The following LOXL2 variants were observed in gnomAD, a reference collection of about 807,000 sequenced individuals.
LOXL2 encodes lysyl oxidase like 2.
A neutral mutation model predicts 93.0 loss-of-function variants in LOXL2; 70 were observed. The ratio of observed to expected loss-of-function variants is 0.75; its 90% CI spans 0.62 to 0.92. The LOEUF (loss-of-function observed/expected upper bound fraction) is 0.92. Among genes scored for constraint, LOXL2 ranks in the 40% least tolerant of loss-of-function variants. LOXL2 has a pLI of 0.00. For synonymous variants in LOXL2, 438 were observed against 413.2 expected, an observed-to-expected ratio of 1.06 and a Z score of -0.73; for missense variants, 973 against 1,054.9, an observed-to-expected ratio of 0.92 and a Z score of 1.08.
rs55908148 is a variant in LOXL2, at chr8:23,381,095, C to CTTT, written c.-83-12664_-83-12662dup. 2.9e-3 allele frequency among the ~76,000 whole-genome samples: 422 copies of CTTT among 145,174 alleles called. 3 individuals carry two copies. Among genetic ancestry groups the CTTT allele is most frequent in the African/African-American group, 6.5e-3 (258 of 39,604 alleles). On this transcript the variant is annotated intron_variant, in intron 1 of 13. Coordinates refer to ENST00000389131, the MANE Select transcript of LOXL2 (RefSeq NM_002318.3). The stretch of plus-strand genomic sequence containing the variant: ...AAACTGTGTTGTAAACCTCTCCAGT[C>CTTT]TTTTTTTTTTTTGTACACATTTCCT...
chr8:23,359,045 G>A (rs1203484406), intron 3 of LOXL2, among the ~76,000 whole-genome samples: 3 of 152,048 alleles, frequency 2.0e-5, no homozygotes, highest in African/African-American at 4.8e-5. Context: ...GTAGAGACGG[G>A]GTTTCACCGT....
chr8:23,384,073 A>G (rs1804721439), intron 1 of LOXL2, among the ~76,000 whole-genome samples: 1 of 152,242 alleles, frequency 6.6e-6, no homozygotes, highest in Non-Finnish European at 1.5e-5. Flanking sequence ...CAGCTCGCCT[A>G]CATACCTGTT....
rs147159511 is a variant in LOXL2 at position 23,358,122 on chromosome 8, G to A, written c.531+1968C>T. ...TGGAAAATTTTGTGAAACTGGGTTG[G>A]ACAAGCCCATCCGTCAGATCATAAA... On this transcript the variant is annotated intron_variant, in intron 3 of 13. Coordinates refer to ENST00000389131, the MANE Select transcript of LOXL2 (RefSeq NM_002318.3). Among the ~76,000 whole-genome samples the A allele has an allele frequency of 2.2e-4, 34 of 152,298 alleles. No individual in the cohort carries two copies. In the East Asian group the frequency reaches 6.0e-3, roughly 27 times the overall value.
chr8:23,400,723 A>C (rs1800143629), intron 1 of LOXL2, among the ~76,000 whole-genome samples: 1 of 152,054 alleles, frequency 6.6e-6, no homozygotes, highest in East Asian at 1.9e-4. Context: ...CCTCTACTAG[A>C]TTTCTTTCTG....
chr8:23,347,254 G>A (rs1036256068), intron 3 of LOXL2, among the ~76,000 whole-genome samples: 1 of 152,012 alleles, frequency 6.6e-6, no homozygotes, highest in African/African-American at 2.4e-5. Context: ...CGACTCAGGA[G>A]GCTGAGGCAA....
At chr8:23,332,857 C>T (rs1803724865) in intron 5 of LOXL2, among the ~76,000 whole-genome samples, 2 of 137,412 alleles carry the variant, frequency 1.5e-5, no homozygotes, top group Admixed American at 7.6e-5. Context: ...CACATACACA[C>T]ACACTCATAC....
chr8:23,307,405 A>G (rs1232218615), intron 10 of LOXL2, among the ~76,000 whole-genome samples: 1 of 152,094 alleles, frequency 6.6e-6, no homozygotes, highest in African/African-American at 2.4e-5. Flanking sequence ...CTCCCAAGCC[A>G]CTGACTAGAA....
rs1347631126 is a variant in LOXL2, at chr8:23,368,376, A to G, written c.-25T>C. 6.3e-7 allele frequency: 1 copy of G among 1,593,566 alleles called. No homozygotes were observed. Among genetic ancestry groups the G allele is most frequent in the Non-Finnish European group, 8.6e-7 (1 of 1,167,262 alleles). On this transcript the variant is annotated 5_prime_UTR_variant, in exon 2 of 14. Coordinates refer to ENST00000389131, the MANE Select transcript of LOXL2 (RefSeq NM_002318.3). ...TCCCTGTCTTCGGGCTGATGATCCC[A>G]CGAAGGGGCCCTGCGCAGCTGGGAG...
At position 23,328,356 on chromosome 8, in the gene LOXL2, C is replaced by T. The variant is rs186136153; in HGVS notation, c.1150+26G>A. On this transcript the variant is annotated intron_variant, in intron 6 of 13. Transcript: ENST00000389131. ...GGCACCATGCTCCCAGGAAGAGAGGCCCCCTCTAGCCTCCCCATTCCTTAC... is the reference window on the plus strand; with the variant it reads ...GGCACCATGCTCCCAGGAAGAGAGGTCCCCTCTAGCCTCCCCATTCCTTAC... The T allele has an allele frequency of 1.7e-4, 274 of 1,609,444 alleles. No homozygotes were observed. The African/African-American group carries it at 3.3e-3, about 20-fold the overall frequency.
chr8:23,341,562 G>C (rs1007266434), intron 3 of LOXL2: 17 of 340,624 alleles, frequency 5.0e-5, no homozygotes, highest in Admixed American at 8.2e-5. Flanking sequence ...ATGCACAGGA[G>C]AGAAAGTGTT....
At chr8:23,324,261 G>T (rs1803544182) in intron 6 of LOXL2, among the ~76,000 whole-genome samples, 1 of 152,216 alleles carries the variant, frequency 6.6e-6, no homozygotes, top group Non-Finnish European at 1.5e-5. Context: ...GCCATCTGGG[G>T]TCAGTCTCCT....
At chr8:23,319,795 G>C (rs763169373) in intron 8 of LOXL2, 90 bp downstream of exon 8, 3 of 1,394,048 alleles carry the variant, frequency 2.2e-6, no homozygotes, top group Non-Finnish European at 3.0e-6. Flanking sequence ...CACGGCTAGG[G>C]AGGGTACGTG....
intron 1 of LOXL2, among the ~76,000 whole-genome samples, chr8:23,373,677 G>A (rs1349577831): frequency 6.6e-6 from 1 of 152,150 alleles, no homozygotes; most frequent in African/African-American, 2.4e-5. Context: ...ACTTGATGTG[G>A]TAGGCACTGT....
chr8:23,345,843 C>T (rs1296899657), intron 3 of LOXL2, among the ~76,000 whole-genome samples: 4 of 151,918 alleles, frequency 2.6e-5, no homozygotes, highest in African/African-American at 9.7e-5. Context: ...CCGAGGCAGG[C>T]GGATCACGAG....
At chr8:23,306,847 G>A (rs149125001) in intron 10 of LOXL2, among the ~76,000 whole-genome samples, 11 of 152,330 alleles carry the variant, frequency 7.2e-5, no homozygotes, top group African/African-American at 2.2e-4. Context: ...GTTGAGCAGC[G>A]GTGGCCCCAC....
Position 23,298,873 on chromosome 8 carries a change from A to T in LOXL2, c.2208T>A (p.Tyr736Ter). ...TGTACATCCAGATGCGGTGGCCGTC[A>T]TAGCGGCTCCTGCATTTCATGATGT... ...SNNIMKCRSRYDGHRIWMYNC... is the reference protein window; with the variant it reads ...SNNIMKCRSR Residue 736 changes from tyrosine (Y) to a stop codon, truncating the protein, a stop_gained, in exon 13 of 14, where the codon TAT (tyrosine) becomes TAA (stop). Coordinates refer to ENST00000389131, the MANE Select transcript of LOXL2 (RefSeq NM_002318.3). LOFTEE classifies it high-confidence loss of function. 6.2e-7 allele frequency: 1 copy of T among 1,614,050 alleles called. No homozygotes were observed. Among genetic ancestry groups the T allele is most frequent in the East Asian group, 2.2e-5 (1 of 44,872 alleles).
intron 2 of LOXL2, chr8:23,364,651 C>A (rs796195001): frequency 6.6e-6 from 1 of 151,546 alleles, no homozygotes; most frequent in Non-Finnish European, 1.5e-5. Context: ...GCCTGGCCAA[C>A]GTGGGAAAAC....
chr8:23,337,871 T>C (rs1803818582), intron 4 of LOXL2, among the ~76,000 whole-genome samples: 1 of 152,158 alleles, frequency 6.6e-6, no homozygotes, highest in African/African-American at 2.4e-5. Flanking sequence ...AGCCCCTGAC[T>C]CTACTTTTGG....
intron 1 of LOXL2, among the ~76,000 whole-genome samples, chr8:23,379,877 T>G (rs1804652224): frequency 6.6e-6 from 1 of 152,184 alleles, no homozygotes; most frequent in South Asian, 2.1e-4. Context: ...CCCTGAACCC[T>G]TGCGCTTCCT....
Sources: gnomAD v4.1 joint callset for allele counts (sites outside exome capture counted in the v4.1 genomes callset) on GRCh38, gnomAD v4.1.1 for gene constraint, MANE v1.5 for transcripts, NCBI Gene and HGNC (gene_info 2026-07-23, HGNC 2026-07-21) for gene names.